The following CERS1 variants were observed in gnomAD, a reference collection of about 807,000 sequenced individuals.
The protein encoded by CERS1 is ceramide synthase 1, also known as Embryonic growth/differentiation factor 1.
A neutral mutation model predicts 35.7 loss-of-function variants in CERS1; 16 were observed. That is an observed-to-expected ratio of 0.45 (90% CI 0.30 to 0.68). The LOEUF (loss-of-function observed/expected upper bound fraction) is 0.68, where lower values mean the gene tolerates loss of function less well. Among genes scored for constraint, CERS1 ranks in the 30% least tolerant of loss-of-function variants. The pLI, the probability that CERS1 is intolerant of heterozygous loss-of-function variation, is 0.08. For missense variants in CERS1, 454 were observed against 453.9 expected (o/e 1.00, Z 0.00); for synonymous variants, 243 against 201.6 (o/e 1.21, Z -1.74).
rs2056605875 is a variant in CERS1 at position 18,895,587 on chromosome 19, T to C, written c.249+237A>G. 6.7e-6 allele frequency among the ~76,000 whole-genome samples: 1 copy of C among 149,396 alleles called. No individual in the cohort carries two copies. The stretch of plus-strand genomic sequence containing the variant: ...CCCAGCCCGGCCACACCCCCGCATC[T>C]ACCCGGTTCCCCCACGCAGCACTGT... On this transcript the variant is annotated intron_variant, in intron 1 of 7. Coordinates refer to ENST00000623882, the MANE Select transcript of CERS1 (RefSeq NM_021267.5). The surrounding 1 kb of genome is among the most constrained non-coding windows in gnomAD (Gnocchi z 6.4).
intron 4 of CERS1, 24 bp from the exon 5 acceptor site, chr19:18,879,412 C>T: frequency 1.3e-6 from 2 of 1,552,070 alleles, no homozygotes; most frequent in Non-Finnish European, 1.7e-6. Flanking sequence ...AGTCAGGAGG[C>T]CGTGGGTGGA....
Position 18,878,755 on chromosome 19 carries a change from G to C in CERS1, c.1010+175C>G. On this transcript the variant is annotated intron_variant, in intron 6 of 7. Transcript: ENST00000623882. This position sits in a 1 kb window ranked among gnomAD's most constrained non-coding sequence, Gnocchi z 4.6. ...CCCTTCCTCACTGTCCTGTCCTTCA[G>C]GGTACTGGCCACATCGTCCACGCCT... 7.0e-7 allele frequency: 1 copy of C among 1,422,150 alleles called. No individual in the cohort carries two copies. Among genetic ancestry groups the C allele is most frequent in the Non-Finnish European group, 9.2e-7 (1 of 1,087,116 alleles). The allele number at this position is 1,422,150 out of a possible 1,614,324, so 88.1% of individuals were successfully genotyped here.
intron 1 of CERS1, among the ~76,000 whole-genome samples, 165 bp from the exon 2 acceptor site, chr19:18,893,740 C>T (rs909636005): frequency 7.9e-5 from 12 of 152,172 alleles, no homozygotes; most frequent in African/African-American, 2.9e-4. Context: ...CCCACAGGCG[C>T]CTGCCAAGGC....
rs1267513698 is a variant in CERS1 at position 18,878,724 on chromosome 19, TC to T, written c.1010+205del. On this transcript the variant is annotated intron_variant, in intron 6 of 7. Transcript: ENST00000623882. The surrounding 1 kb of genome is among the most constrained non-coding windows in gnomAD (Gnocchi z 4.6). The stretch of plus-strand genomic sequence containing the variant: ...GCCCTGCCTGCCCCTCCCCAGCCTC[TC>T]CCTCCCCTTCCTCACTGTCCTGTCC... 2.4e-5 allele frequency: 33 copies of T among 1,376,092 alleles called. No homozygotes were observed. The highest frequency in any genetic ancestry group is 2.9e-5 in the Non-Finnish European group (31 of 1,062,124). 85.2% of individuals were successfully genotyped at this position (1,376,092 alleles called of 1,614,324 possible). A position where few individuals can be genotyped will look rare whatever the true frequency, so the allele number is the denominator to read the frequency against.
intron 3 of CERS1, chr19:18,882,205 T>C (rs1047786594): frequency 1.3e-5 from 2 of 154,436 alleles, no homozygotes; most frequent in Non-Finnish European, 2.9e-5. Context: ...CCTTGAATTA[T>C]AGAACTTTCT....
chr19:18,868,720 G>T lies in CERS1; in HGVS notation c.*1265C>A. On this transcript the variant is annotated 3_prime_UTR_variant, in exon 8 of 8. Coordinates refer to ENST00000623882, the MANE Select transcript of CERS1 (RefSeq NM_021267.5). ...GCGCGGGCACGCAGCAGGGCAGGTCGGCGGCTCCCGGGGCGGCCGCGTGCA... is the reference window on the plus strand; with the variant it reads ...GCGCGGGCACGCAGCAGGGCAGGTCTGCGGCTCCCGGGGCGGCCGCGTGCA... 1 of 1,542,010 alleles carries T rather than the reference G, an allele frequency of 6.5e-7. No homozygotes were observed. The highest frequency in any genetic ancestry group is 8.8e-7 in the Non-Finnish European group (1 of 1,141,572).
intron 6 of CERS1, among the ~76,000 whole-genome samples, chr19:18,877,214 C>A (rs1200542298): frequency 6.6e-6 from 1 of 152,230 alleles, no homozygotes; most frequent in African/African-American, 2.4e-5. Flanking sequence ...GAGGACATGC[C>A]AGCTCTTACC....
rs2055908512 is a variant in CERS1, at chr19:18,869,031, G to C, written c.*954C>G. 1 of 1,076,564 alleles carries C rather than the reference G, an allele frequency of 9.3e-7. No individual in the cohort carries two copies. Among genetic ancestry groups the C allele is most frequent in the East Asian group, 6.3e-5 (1 of 15,962 alleles). The allele number at this position is 1,076,564 out of a possible 1,614,324, so 66.7% of individuals were successfully genotyped here. On this transcript the variant is annotated 3_prime_UTR_variant, in exon 8 of 8. Transcript: ENST00000623882. ...AGCAGCAGCGAGGCCTCGGCCAGGC[G>C]CGCGCAGGCGGCAGGGGCCCGGGGG...
Position 18,869,405 on chromosome 19 carries a change from A to G in CERS1, c.*595-15T>C. On this transcript the variant is annotated splice_polypyrimidine_tract_variant and intron_variant, in intron 7 of 7. Coordinates refer to ENST00000623882, the MANE Select transcript of CERS1 (RefSeq NM_021267.5). ...GGTGGGCGCACCTGGGGAGGTAGGA[A>G]CAGGAACTCGGCTCGCGCTGCGTCC... 6.6e-7 allele frequency: 1 copy of G among 1,526,028 alleles called. No individual in the cohort carries two copies. Among genetic ancestry groups the G allele is most frequent in the Non-Finnish European group, 8.7e-7 (1 of 1,143,026 alleles). The allele number at this position is 1,526,028 out of a possible 1,614,324, so 94.5% of individuals were successfully genotyped here.
chr19:18,884,426 T>C (rs1225069634), intron 2 of CERS1, among the ~76,000 whole-genome samples, 159 bp from the exon 3 acceptor site: 2 of 151,824 alleles, frequency 1.3e-5, no homozygotes, highest in Non-Finnish European at 2.9e-5. Context: ...TATTTTTTTT[T>C]TTTTTTCTTT....
intron 7 of CERS1, among the ~76,000 whole-genome samples, chr19:18,869,690 G>A (rs2055928593): frequency 6.6e-6 from 1 of 150,898 alleles, no homozygotes; most frequent in African/African-American, 2.4e-5. Context: ...GCTAGGGTGT[G>A]GGGATGGCAT....
At chr19:18,885,912 C>G (rs1568302998) in intron 2 of CERS1, among the ~76,000 whole-genome samples, 1 of 152,198 alleles carries the variant, frequency 6.6e-6, no homozygotes, top group Non-Finnish European at 1.5e-5. Context: ...CCCACGGAGT[C>G]TTGCCATGCC....
In CERS1 at chr19:18,870,682, CCGCTTCT is replaced by C. The variant is rs2055952686; in HGVS notation, c.1011-70_1011-64del. On this transcript the variant is annotated intron_variant, in intron 6 of 7. Coordinates refer to ENST00000623882, the MANE Select transcript of CERS1 (RefSeq NM_021267.5). This position sits in a 1 kb window ranked among gnomAD's most constrained non-coding sequence, Gnocchi z 5.1. ...CCACGCGGCCGCCTGGCCCTCTTTC[CCGCTTCT>C]TCTCTGGCCGTTTCACACCCCCTGG... 2.0e-6 allele frequency: 1 copy of C among 509,400 alleles called. No individual in the cohort carries two copies. The highest frequency in any genetic ancestry group is 2.0e-5 in the African/African-American group (1 of 49,182). The allele number at this position is 509,400 out of a possible 1,614,324, so 31.6% of individuals were successfully genotyped here.
Position 18,869,199 on chromosome 19 carries a change from C to G in CERS1, c.*786G>C. On this transcript the variant is annotated 3_prime_UTR_variant, in exon 8 of 8. Coordinates refer to ENST00000623882, the MANE Select transcript of CERS1 (RefSeq NM_021267.5). ...ACCGGCCCGGGGTCCGCGCCCGCGC[C>G]CTGGCCCGCTTGCGCCACGCTCAGC... The G allele has an allele frequency of 8.0e-7, 1 of 1,254,510 alleles. No individual in the cohort carries two copies. The highest frequency in any genetic ancestry group is 1.0e-6 in the Non-Finnish European group (1 of 1,001,912). The allele number at this position is 1,254,510 out of a possible 1,614,324, so 77.7% of individuals were successfully genotyped here. A position where few individuals can be genotyped will look rare whatever the true frequency, so the allele number is the denominator to read the frequency against.
rs368019219 is a variant in CERS1, at chr19:18,878,891, A to G, written c.1010+39T>C. On this transcript the variant is annotated intron_variant, in intron 6 of 7. Coordinates refer to ENST00000623882, the MANE Select transcript of CERS1 (RefSeq NM_021267.5). This position sits in a 1 kb window ranked among gnomAD's most constrained non-coding sequence, Gnocchi z 4.6. ...CGAACACGCTTGGACGGGTGACACTAAAGGAGGGAACGCGGGGTGCGGGCC... is the reference window on the plus strand; with the variant it reads ...CGAACACGCTTGGACGGGTGACACTGAAGGAGGGAACGCGGGGTGCGGGCC... 7.8e-5 allele frequency: 125 copies of G among 1,607,184 alleles called. No homozygotes were observed. Among genetic ancestry groups the G allele is most frequent in the Non-Finnish European group, 9.8e-5 (115 of 1,177,480 alleles).
At chr19:18,872,704 TGCGG>T (rs1278306874) in intron 6 of CERS1, among the ~76,000 whole-genome samples, 114 of 48,338 alleles carry the variant, frequency 2.4e-3, no homozygotes, top group Middle Eastern at 7.2e-3. Flanking sequence ...TTAGTAGAGA[TGCGG>T]TTTTACCATG....
intron 2 of CERS1, 123 bp from the exon 3 acceptor site, chr19:18,884,390 G>A: frequency 1.2e-6 from 1 of 856,810 alleles, no homozygotes; most frequent in South Asian, 2.0e-5. Flanking sequence ...ATGCGTGTCT[G>A]ACTGCTGGCT....
rs1369157077 is a variant in CERS1 at position 18,868,595 on chromosome 19, G to C, written c.*1390C>G. The C allele has an allele frequency of 1.2e-5, 19 of 1,554,540 alleles. No individual in the cohort carries two copies. Among genetic ancestry groups the C allele is most frequent in the Middle Eastern group, 3.4e-4 (2 of 5,892 alleles). ...TGGGCCCGCGTCCCTGCCCGCCCCG[G>C]GTTAGCGGCAGCCGCACTCGTCCAC... On this transcript the variant is annotated 3_prime_UTR_variant, in exon 8 of 8. Transcript: ENST00000623882.
rs894657723 is a variant in CERS1 at position 18,868,740 on chromosome 19, C to A, written c.*1245G>T. ...AGGTCGGCGGCTCCCGGGGCGGCCG[C>A]GTGCATGAGCGCGCGCAGCACAGCG... On this transcript the variant is annotated 3_prime_UTR_variant, in exon 8 of 8. Coordinates refer to ENST00000623882, the MANE Select transcript of CERS1 (RefSeq NM_021267.5). 1 of 1,527,182 alleles carries A rather than the reference C, an allele frequency of 6.5e-7. No homozygotes were observed. The highest frequency in any genetic ancestry group is 8.8e-7 in the Non-Finnish European group (1 of 1,133,156). 94.6% of individuals were successfully genotyped at this position (1,527,182 alleles called of 1,614,324 possible). A position where few individuals can be genotyped will look rare whatever the true frequency, so the allele number is the denominator to read the frequency against.
Sources: allele counts gnomAD v4.1 joint callset (sites outside exome capture counted in the v4.1 genomes callset), GRCh38; gene constraint gnomAD v4.1.1; non-coding constraint Gnocchi (gnomAD v3.1); transcripts MANE v1.5; gene names NCBI Gene and HGNC (gene_info 2026-07-23, HGNC 2026-07-21).